ACSF3: variants seen among roughly 807,000 people sequenced by gnomAD.
The protein encoded by ACSF3 is acyl-CoA synthetase family member 3.
ACSF3 carries 78 observed loss-of-function variants against 53.2 expected under a neutral mutation model. The observed-to-expected ratio is 1.47, with a 90% CI of 1.22 to 1.77. The LOEUF (loss-of-function observed/expected upper bound fraction) is 1.77. Ranked by LOEUF, ACSF3 falls within the 40% of genes most tolerant of loss-of-function variation. ACSF3 has a pLI of 0.00. For missense variants in ACSF3, 937 were observed against 771.1 expected (o/e 1.22, Z -2.55); for synonymous variants, 414 against 333.1 (o/e 1.24, Z -2.65).
At chr16:89,143,018 C>T (rs551796900) in intron 8 of ACSF3, among the ~76,000 whole-genome samples, 10 of 152,150 alleles carry the variant, frequency 6.6e-5, no homozygotes, top group African/African-American at 1.9e-4. Flanking sequence ...TGAGCCCACT[C>T]GGGGCTGGTG....
intron 5 of ACSF3, among the ~76,000 whole-genome samples, chr16:89,112,907 T>C (rs1904317359): frequency 6.6e-6 from 1 of 152,234 alleles, no homozygotes. Flanking sequence ...CACGTTCTGC[T>C]GCTTTTCCTC....
chr16:89,141,207 G>A (rs1911689545), intron 8 of ACSF3: 1 of 1,287,260 alleles, frequency 7.8e-7, no homozygotes, highest in South Asian at 1.2e-5. Context: ...CTGAGCCCTT[G>A]ATAGCAGCGT....
At chr16:89,119,517 A>G (rs1404056218) in intron 6 of ACSF3, among the ~76,000 whole-genome samples, 8 of 152,194 alleles carry the variant, frequency 5.3e-5, no homozygotes, top group Non-Finnish European at 1.2e-4. Context: ...GCGCACTGAA[A>G]TGGGAAGTCA....
chr16:89,142,561 A>G (rs750442747), intron 8 of ACSF3, among the ~76,000 whole-genome samples: 21,586 of 148,858 alleles, frequency 0.15, 1,759 homozygotes, highest in African/African-American at 0.22. Context: ...ACACACCCAC[A>G]CCTGCAGACA....
In ACSF3 at chr16:89,100,726, CT is replaced by C; in HGVS notation, c.47del (p.Leu16TrpfsTer102). 1 of 1,603,492 alleles carries C rather than the reference CT, an allele frequency of 6.2e-7. No individual in the cohort carries two copies. On this transcript the variant is annotated frameshift_variant, in exon 3 of 11. Transcript: ENST00000614302. LOFTEE classifies it high-confidence loss of function. Reference sequence around the variant, plus strand: ...TCACCTTCCGGCGCCTGGGCTGCGCCTTGGCGTCCTGCCGGCTGGCGCCTGC... The same window carrying C: ...TCACCTTCCGGCGCCTGGGCTGCGCCTGGCGTCCTGCCGGCTGGCGCCTGC... ...VLTFRRLGCA[L>X]ASCRLAPARH...
intron 7 of ACSF3, among the ~76,000 whole-genome samples, chr16:89,127,435 G>C (rs1225608323): frequency 2.0e-5 from 3 of 152,142 alleles, no homozygotes; most frequent in Non-Finnish European, 4.4e-5. Context: ...TGCAATCATA[G>C]CTCACTGGAG....
In ACSF3 at chr16:89,125,065, C is replaced by T. The variant is rs1394496032; in HGVS notation, c.1239+4152C>T. Among the ~76,000 whole-genome samples, 5 of 152,236 alleles carry T rather than the reference C, an allele frequency of 3.3e-5. 1 individual carries two copies. The highest frequency in any genetic ancestry group is 7.2e-5 in the African/African-American group (3 of 41,540). ...TAATTTTAGAATTAGCTTGTCTAGC[C>T]GGGCCTGGTGGCTCACACCTGTAAT... On this transcript the variant is annotated intron_variant, in intron 7 of 10. Coordinates refer to ENST00000614302, the MANE Select transcript of ACSF3 (RefSeq NM_001243279.3).
chr16:89,094,300 C>T (rs4782473), intron 1 of ACSF3, among the ~76,000 whole-genome samples: 4,943 of 152,140 alleles, frequency 0.032, 244 homozygotes, highest in African/African-American at 0.11. Flanking sequence ...AACGAATCGT[C>T]TTTGGTTGTG....
At chr16:89,150,107 G>A (rs1913817453) in intron 10 of ACSF3, 1 of 152,320 alleles carries the variant, frequency 6.6e-6, no homozygotes, top group African/African-American at 2.4e-5. Context: ...TGGAGCAGGA[G>A]GAAGAGCTCA....
intron 10 of ACSF3, chr16:89,153,753 T>G: frequency 2.6e-6 from 1 of 377,866 alleles, no homozygotes. Flanking sequence ...GTGCGGGGAC[T>G]TGGAAGGCCT....
At chr16:89,118,396 G>T (rs1053898122) in intron 6 of ACSF3, among the ~76,000 whole-genome samples, 6 of 152,252 alleles carry the variant, frequency 3.9e-5, no homozygotes, top group Non-Finnish European at 8.8e-5. Context: ...CCAAAATGCA[G>T]CCTCCTGAGC....
At chr16:89,146,114 C>T in intron 10 of ACSF3, 65 bp downstream of exon 10, 1 of 1,183,400 alleles carries the variant, frequency 8.5e-7, no homozygotes, top group Non-Finnish European at 1.2e-6. Context: ...TTGAGGGCCA[C>T]CCTAGGTATT....
At chr16:89,112,782 C>T (rs1904309959) in intron 5 of ACSF3, among the ~76,000 whole-genome samples, 1 of 152,248 alleles carries the variant, frequency 6.6e-6, no homozygotes, top group Non-Finnish European at 1.5e-5. Flanking sequence ...AGGGTGAGGA[C>T]AGTGAGCTGA....
chr16:89,120,663 C>G, intron 6 of ACSF3, 138 bp from the exon 7 acceptor site: 1 of 828,108 alleles, frequency 1.2e-6, no homozygotes, highest in South Asian at 1.3e-5. Context: ...CTCTGGGTCA[C>G]AGGGCACGTC....
chr16:89,151,183 A>T (rs764823077), intron 10 of ACSF3: 79 of 531,802 alleles, frequency 1.5e-4, no homozygotes, highest in Non-Finnish European at 2.4e-4. Flanking sequence ...GAAACAGATA[A>T]CTCCCTTAAA....
chr16:89,097,124 G>A (rs952960775), intron 1 of ACSF3, among the ~76,000 whole-genome samples: 2 of 152,242 alleles, frequency 1.3e-5, no homozygotes, highest in African/African-American at 4.8e-5. Context: ...CAAAAGGGGG[G>A]CTGTGCTCTG....
chr16:89,145,037 ACAT>A, intron 8 of ACSF3: 1 of 1,200,860 alleles, frequency 8.3e-7, no homozygotes, highest in Non-Finnish European at 1.2e-6. Context: ...GGCAGACCCC[ACAT>A]CATGGGCACA....
intron 6 of ACSF3, among the ~76,000 whole-genome samples, chr16:89,120,462 G>A (rs1423388007): frequency 6.6e-6 from 1 of 152,246 alleles, no homozygotes; most frequent in Admixed American, 6.5e-5. Flanking sequence ...TCTGTGGGCA[G>A]CTGTGAGGCT....
At position 89,155,482 on chromosome 16, in the gene ACSF3, C is replaced by A. The variant is rs370125652; in HGVS notation, c.*1275C>A. 2 of 454,150 alleles carry A rather than the reference C, an allele frequency of 4.4e-6. No individual in the cohort carries two copies. The highest frequency in any genetic ancestry group is 6.9e-5 in the East Asian group (1 of 14,394). 28.1% of individuals were successfully genotyped at this position (454,150 alleles called of 1,614,324 possible). On this transcript the variant is annotated 3_prime_UTR_variant, in exon 11 of 11. Transcript: ENST00000614302. ...CTTGTCTGAGGCCACAGAGCAGCGTCCCAGCCCTGTTTTCCAGGACTGGTG... is the reference window on the plus strand; with the variant it reads ...CTTGTCTGAGGCCACAGAGCAGCGTACCAGCCCTGTTTTCCAGGACTGGTG...
Sources: allele counts gnomAD v4.1 joint callset (sites outside exome capture counted in the v4.1 genomes callset), GRCh38; gene constraint gnomAD v4.1.1; transcripts MANE v1.5; gene names NCBI Gene and HGNC (gene_info 2026-07-23, HGNC 2026-07-21).